Variants in TAFA1 observed in about 807,000 individuals in gnomAD.
TAFA1 encodes chemokine-like protein TAFA-1.
In TAFA1, 4 loss-of-function variants were observed where a neutral mutation model predicts 18.5. The ratio of observed to expected loss-of-function variants is 0.22; its 90% CI spans 0.11 to 0.49. The LOEUF (loss-of-function observed/expected upper bound fraction) is 0.49. TAFA1 is among the 20% of genes least tolerant of loss of function. TAFA1 has a pLI of 0.98. For synonymous variants in TAFA1, 56 were observed against 55.2 expected (o/e 1.01, Z -0.06); for missense variants, 147 against 169.0 (o/e 0.87, Z 0.72).
chr3:68,516,899 G>A (rs769654780), intron 3 of TAFA1, among the ~76,000 whole-genome samples: 12 of 152,006 alleles, frequency 7.9e-5, no homozygotes, highest in East Asian at 3.9e-4. Context: ...TCAGTCTCCC[G>A]AGTAGCTGGG....
intron 2 of TAFA1, among the ~76,000 whole-genome samples, chr3:68,292,425 A>AAC (rs113383380): frequency 8.4e-5 from 3 of 35,584 alleles, no homozygotes; most frequent in South Asian, 8.0e-4. Context: ...AAAAAAAAAC[A>AAC]AAAAAAAAAA....
chr3:68,455,821 G>A (rs990454435), intron 3 of TAFA1, among the ~76,000 whole-genome samples: 31 of 152,118 alleles, frequency 2.0e-4, no homozygotes, highest in African/African-American at 7.0e-4. Flanking sequence ...AACACCAATG[G>A]CATCTTCAAT....
intron 2 of TAFA1, among the ~76,000 whole-genome samples, chr3:68,355,910 T>C (rs2069353803): frequency 6.6e-6 from 1 of 151,996 alleles, no homozygotes; most frequent in South Asian, 2.1e-4. Flanking sequence ...ACAAACTACA[T>C]ATGACTATTT....
intron 2 of TAFA1, among the ~76,000 whole-genome samples, chr3:68,268,668 C>T (rs1300484965): frequency 6.6e-6 from 1 of 152,160 alleles, no homozygotes; most frequent in African/African-American, 2.4e-5. Flanking sequence ...CTTTGGTTTT[C>T]TTCCAGAAAC....
intron 2 of TAFA1, among the ~76,000 whole-genome samples, chr3:68,191,547 A>G (rs1169071344): frequency 6.6e-6 from 1 of 151,852 alleles, no homozygotes; most frequent in African/African-American, 2.4e-5. Flanking sequence ...ACATACCTGT[A>G]GGATTGATGA....
Position 68,167,045 on chromosome 3 carries a change from C to T in TAFA1, c.118+160301C>T, listed in dbSNP as rs114500267. On this transcript the variant is annotated intron_variant, in intron 2 of 4. Transcript: ENST00000478136. ...TTTTGCAAACGCTGCCTCTTTTCGT[C>T]TTTAGCACTATTCAGCACAAAACAG... Among the ~76,000 whole-genome samples, 844 of 152,266 alleles carry T rather than the reference C, an allele frequency of 5.5e-3. 11 individuals are homozygous for T. The highest frequency in any genetic ancestry group is 0.019 in the African/African-American group (795 of 41,556).
Position 68,359,157 on chromosome 3 carries a change from A to G in TAFA1, c.119-58123A>G, listed in dbSNP as rs187659779. 5.3e-5 allele frequency among the ~76,000 whole-genome samples: 8 copies of G among 152,152 alleles called. No homozygotes were observed. The East Asian group carries it at 1.4e-3, about 26-fold the overall frequency. On this transcript the variant is annotated intron_variant, in intron 2 of 4. Coordinates refer to ENST00000478136, the MANE Select transcript of TAFA1 (RefSeq NM_213609.4). ...AGAAATTTCCTTTTTTATTGTTCAC[A>G]TATCATACTGCAAATACATGAAGTT...
rs140683957 is a variant in TAFA1 at position 68,492,722 on chromosome 3, T to C, written c.260-46034T>C. Among the ~76,000 whole-genome samples, 954 of 152,256 alleles carry C rather than the reference T, an allele frequency of 6.3e-3. 11 individuals carry two copies. Among genetic ancestry groups the C allele is most frequent in the African/African-American group, 0.021 (884 of 41,564 alleles). On this transcript the variant is annotated intron_variant, in intron 3 of 4. Transcript: ENST00000478136. ...ATCAAGAATAAGCAAGGTTTTGTAG[T>C]TTTTTTCTTCTTCTTCTTCTTGGAA...
At chr3:68,441,053 C>A (rs1374020475) in intron 3 of TAFA1, among the ~76,000 whole-genome samples, 1 of 152,058 alleles carries the variant, frequency 6.6e-6, no homozygotes, top group African/African-American at 2.4e-5. Context: ...GATATTCTTT[C>A]TAAGGTAAAG....
rs1405303272 is a variant in TAFA1 at position 68,263,658 on chromosome 3, C to CG, written c.119-153616dup. Among the ~76,000 whole-genome samples the CG allele has an allele frequency of 2.0e-5, 3 of 151,382 alleles. No homozygotes were observed. In the South Asian group the frequency reaches 6.3e-4, roughly 32 times the overall value. On this transcript the variant is annotated intron_variant, in intron 2 of 4. Transcript: ENST00000478136. ...GAGTTACAGCAAGTGAGTGGAGGGG[C>CG]GGGGGGCGGTCAGGACTCAAAGTCA...
At chr3:68,457,921 A>G (rs1419044839) in intron 3 of TAFA1, among the ~76,000 whole-genome samples, 3 of 152,280 alleles carry the variant, frequency 2.0e-5, no homozygotes, top group South Asian at 2.1e-4. Flanking sequence ...ACATTGTCCC[A>G]TAGACCATGA....
intron 2 of TAFA1, among the ~76,000 whole-genome samples, chr3:68,076,473 C>A (rs1334985050): frequency 2.2e-5 from 3 of 134,348 alleles, no homozygotes; most frequent in Non-Finnish European, 4.7e-5. Context: ...CCACCCCCCA[C>A]CAGTCCCCAG....
chr3:68,282,079 G>A (rs1206209571), intron 2 of TAFA1, among the ~76,000 whole-genome samples: 1 of 152,122 alleles, frequency 6.6e-6, no homozygotes, highest in East Asian at 1.9e-4. Flanking sequence ...TGAGCAAAAG[G>A]GAGAAAGGCC....
At chr3:68,206,820 G>A (rs1476941619) in intron 2 of TAFA1, among the ~76,000 whole-genome samples, 1 of 151,870 alleles carries the variant, frequency 6.6e-6, no homozygotes, top group Non-Finnish European at 1.5e-5. Flanking sequence ...GGACTAACTT[G>A]GACTGCATGC....
intron 3 of TAFA1, among the ~76,000 whole-genome samples, chr3:68,473,895 T>C (rs2072044609): frequency 4.6e-5 from 7 of 152,282 alleles, no homozygotes; most frequent in Admixed American, 4.6e-4. Context: ...TGTTCTACAC[T>C]ATATCCCCAG....
chr3:68,024,447 C>T lies in TAFA1; in HGVS notation c.118+17703C>T, dbSNP rs1042390980. Among the ~76,000 whole-genome samples the T allele has an allele frequency of 3.9e-5, 6 of 152,208 alleles. No homozygotes were observed. In the East Asian group the frequency reaches 1.2e-3, roughly 29 times the overall value. ...TAAACATTCTTGTAGTGCAGAGTGA[C>T]CCCAGCTGAAGAAAAATTGTGTTAG... On this transcript the variant is annotated intron_variant, in intron 2 of 4. Transcript: ENST00000478136.
chr3:68,068,094 G>A (rs2064705402), intron 2 of TAFA1, among the ~76,000 whole-genome samples: 1 of 152,174 alleles, frequency 6.6e-6, no homozygotes. Flanking sequence ...AGTCATAGCA[G>A]ATCACCTGGC....
chr3:68,006,515 A>G (rs1343260784), intron 1 of TAFA1, 109 bp from the exon 2 acceptor site: 1 of 741,428 alleles, frequency 1.3e-6, no homozygotes, highest in Admixed American at 1.9e-5. Context: ...TAGCCAGAGA[A>G]GTAGCAAAGG....
chr3:68,109,970 C>A (rs1427890753), intron 2 of TAFA1, among the ~76,000 whole-genome samples: 1 of 151,854 alleles, frequency 6.6e-6, no homozygotes, highest in Non-Finnish European at 1.5e-5. Flanking sequence ...ATTATTTTTT[C>A]TTTTTTTTCT....
Sources: allele counts gnomAD v4.1 joint callset (sites outside exome capture counted in the v4.1 genomes callset), GRCh38; gene constraint gnomAD v4.1.1; transcripts MANE v1.5; gene names NCBI Gene and HGNC (gene_info 2026-07-23, HGNC 2026-07-21).